Variants in GAPVD1 observed in about 807,000 individuals in gnomAD.
GAPVD1 encodes the protein GTPase-activating protein and VPS9 domain-containing protein 1.
In GAPVD1, 35 loss-of-function variants were observed where a neutral mutation model predicts 155.5. The observed-to-expected ratio is 0.23, with a 90% confidence interval of 0.17 to 0.30. The LOEUF (loss-of-function observed/expected upper bound fraction) is 0.30, where lower values mean the gene tolerates loss of function less well. Among genes scored for constraint, GAPVD1 ranks in the 10% least tolerant of loss-of-function variants. The pLI is 1.00. For missense variants in GAPVD1, 1,429 were observed against 1,775.7 expected, an observed-to-expected ratio of 0.80 and a Z score of 3.51; for synonymous variants, 636 against 619.7, an observed-to-expected ratio of 1.03 and a Z score of -0.39.
At chr9:125,347,082 T>C (rs1340198249) in intron 20 of GAPVD1, 141 bp downstream of exon 20, 2 of 769,260 alleles carry the variant, frequency 2.6e-6, no homozygotes, top group East Asian at 2.7e-5. Context: ...CCTAAACAAA[T>C]GTTTAAATTG....
At chr9:125,320,862 G>A (rs1365813771) in intron 9 of GAPVD1, among the ~76,000 whole-genome samples, 2 of 152,144 alleles carry the variant, frequency 1.3e-5, no homozygotes, top group African/African-American at 2.4e-5. Context: ...TCCTGACCTC[G>A]TGATCTGCCT....
chr9:125,283,421 C>T (rs554974965), intron 2 of GAPVD1, among the ~76,000 whole-genome samples: 3 of 152,150 alleles, frequency 2.0e-5, no homozygotes, highest in Admixed American at 6.5e-5. Flanking sequence ...CAGTGTGGCG[C>T]AGTCTTGGCT....
At chr9:125,266,358 G>C (rs1833969060) in intron 1 of GAPVD1, among the ~76,000 whole-genome samples, 1 of 151,684 alleles carries the variant, frequency 6.6e-6, no homozygotes, top group Non-Finnish European at 1.5e-5. Context: ...CTGTCGCCCA[G>C]GCTGGAGTGC....
At chr9:125,345,912 C>T (rs548614787) in intron 19 of GAPVD1, 25 of 151,830 alleles carry the variant, frequency 1.6e-4, no homozygotes, top group Non-Finnish European at 2.1e-4. Context: ...CTAGTGATTT[C>T]GATGTGTTTG....
At chr9:125,338,681 T>C (rs1847376266) in intron 17 of GAPVD1, among the ~76,000 whole-genome samples, 1 of 152,232 alleles carries the variant, frequency 6.6e-6, no homozygotes, top group Non-Finnish European at 1.5e-5. Context: ...GACACTTTTT[T>C]TCATTGCACT....
chr9:125,355,983 T>G, intron 25 of GAPVD1, 126 bp downstream of exon 25: 1 of 639,682 alleles, frequency 1.6e-6, no homozygotes, highest in Non-Finnish European at 2.8e-6. Context: ...TGGTTACCAT[T>G]TTTCACCTGT....
intron 5 of GAPVD1, among the ~76,000 whole-genome samples, chr9:125,304,666 G>A (rs1841490917): frequency 6.6e-6 from 1 of 152,104 alleles, no homozygotes; most frequent in Non-Finnish European, 1.5e-5. Context: ...TGATTGCTTT[G>A]TGAACGCTAT....
At chr9:125,339,133 C>A (rs1847479709) in intron 17 of GAPVD1, among the ~76,000 whole-genome samples, 1 of 152,100 alleles carries the variant, frequency 6.6e-6, no homozygotes, top group Non-Finnish European at 1.5e-5. Context: ...AGGCATGCAC[C>A]ACATGCCTGG....
At chr9:125,296,710 G>A (rs1468970794) in intron 3 of GAPVD1, among the ~76,000 whole-genome samples, 6 of 142,154 alleles carry the variant, frequency 4.2e-5, no homozygotes, top group Non-Finnish European at 9.0e-5. Context: ...TGCCCATGCT[G>A]GAGTGCAGTG....
intron 9 of GAPVD1, among the ~76,000 whole-genome samples, chr9:125,314,071 A>G (rs1318234413): frequency 6.6e-6 from 1 of 152,198 alleles, no homozygotes; most frequent in Non-Finnish European, 1.5e-5. Context: ...GTAGCAGAAG[A>G]GAGATGAAGC....
intron 8 of GAPVD1, among the ~76,000 whole-genome samples, chr9:125,309,679 G>A (rs1435902086): frequency 1.6e-4 from 25 of 152,176 alleles, no homozygotes; most frequent in Admixed American, 6.6e-5. Context: ...TTCACATGAT[G>A]AAGTAAATGA....
chr9:125,293,852 T>TTATA lies in GAPVD1; in HGVS notation c.-149-1557_-149-1554dup, dbSNP rs1161661604. 8.9e-3 allele frequency among the ~76,000 whole-genome samples: 305 copies of TTATA among 34,402 alleles called. 1 individual carries two copies. Among genetic ancestry groups the TTATA allele is most frequent in the Middle Eastern group, 0.028 (2 of 72 alleles). The allele number at this position is 34,402 out of a possible 152,430, so 22.6% of individuals were successfully genotyped here. On this transcript the variant is annotated intron_variant, in intron 2 of 27. Coordinates refer to ENST00000297933, the MANE Select transcript of GAPVD1 (RefSeq NM_001282680.3). The stretch of plus-strand genomic sequence containing the variant: ...AAAAATATATATATAAAAATATATT[T>TTATA]TATATATATATATATATATATATAT...
intron 9 of GAPVD1, among the ~76,000 whole-genome samples, chr9:125,317,909 T>G (rs540933904): frequency 6.6e-6 from 1 of 152,128 alleles, no homozygotes; most frequent in African/African-American, 2.4e-5. Context: ...CAACAGCAGA[T>G]TTGTACAGGC....
Position 125,302,423 on chromosome 9 carries a change from T to G in GAPVD1, c.626T>G (p.Val209Gly), listed in dbSNP as rs573549683. Residue 209 changes from valine to glycine, a missense_variant, in exon 5 of 28, where the codon GTT (valine) becomes GGT (glycine). Around this residue, in one of 4 missense-constraint regions of GAPVD1, gnomAD observed 628 missense variants for 733.4 expected, o/e 0.86. Transcript: ENST00000297933. ...TLHEPIMQLLVEDEDHLETDP... is the reference protein window; with the variant it reads ...TLHEPIMQLLGEDEDHLETDP... ...CATGAGCCAATTATGCAACTGCTTG[T>G]TGAAGATGAAGATCACCTGGAAACA... The G allele has an allele frequency of 6.2e-7, 1 of 1,613,852 alleles. No individual in the cohort carries two copies. Among genetic ancestry groups the G allele is most frequent in the South Asian group, 1.1e-5 (1 of 91,072 alleles).
chr9:125,275,737 C>T (rs1835673213), intron 2 of GAPVD1, among the ~76,000 whole-genome samples: 1 of 152,000 alleles, frequency 6.6e-6, no homozygotes, highest in Admixed American at 6.6e-5. Flanking sequence ...GCCTGGGGGA[C>T]AGAGCGAGAC....
Position 125,312,550 on chromosome 9 carries a change from G to C in GAPVD1, c.1540G>C (p.Val514Leu), listed in dbSNP as rs1467010330. ...ETIQEVQPEE[V>L]LVISLGTGPQ... ...CATTCAGGAGGTGCAACCAGAAGAG[G>C]TGTTGGTCATTTCCTTAGGTACAGG... is the stretch of plus-strand genomic sequence containing the variant. The change falls in exon 9 of 28, where the codon GTG (valine) becomes CTG (leucine). Residue 514 changes from valine (V) to leucine (L), a missense_variant. Coordinates refer to ENST00000297933, the MANE Select transcript of GAPVD1 (RefSeq NM_001282680.3). 1.9e-6 allele frequency: 3 copies of C among 1,610,348 alleles called. No individual in the cohort carries two copies. The highest frequency in any genetic ancestry group is 2.5e-6 in the Non-Finnish European group (3 of 1,178,746).
At chr9:125,269,115 A>C (rs1485439624) in intron 2 of GAPVD1, 131 bp downstream of exon 2, 1 of 151,920 alleles carries the variant, frequency 6.6e-6, no homozygotes, top group Non-Finnish European at 1.5e-5. Flanking sequence ...ATCAGAGTGC[A>C]GTGGTGCCAT....
chr9:125,323,184 G>A (rs988709307), intron 10 of GAPVD1, among the ~76,000 whole-genome samples: 3 of 151,744 alleles, frequency 2.0e-5, no homozygotes, highest in African/African-American at 4.8e-5. Flanking sequence ...TCAGCTCACT[G>A]CAACCTTTGC....
intron 12 of GAPVD1, among the ~76,000 whole-genome samples, chr9:125,329,087 C>T (rs887144048): frequency 6.6e-6 from 1 of 152,042 alleles, no homozygotes; most frequent in African/African-American, 2.4e-5. Flanking sequence ...AGTCCAGCTT[C>T]GGCTCCGCAT....
Sources: gnomAD v4.1 joint callset for allele counts (sites outside exome capture counted in the v4.1 genomes callset) on GRCh38, gnomAD v4.1.1 for gene constraint, gnomAD v4.1.1 regional missense constraint, MANE v1.5 for transcripts, NCBI Gene and HGNC (gene_info 2026-07-23, HGNC 2026-07-21) for gene names.